MDGA2: variants seen among roughly 807,000 people sequenced by gnomAD.
The protein encoded by MDGA2 is MAM domain containing glycosylphosphatidylinositol anchor 2, also known as MAM domain-containing glycosylphosphatidylinositol anchor protein 2.
MDGA2 carries 40 observed loss-of-function variants against 117.8 expected under a neutral mutation model. The ratio of observed to expected loss-of-function variants is 0.34; its 90% CI spans 0.26 to 0.44. The LOEUF is 0.44. MDGA2 is among the 20% of genes least tolerant of loss of function. The pLI, the probability that MDGA2 is intolerant of heterozygous loss-of-function variation, is 1.00. For synonymous variants in MDGA2, 452 were observed against 439.0 expected, an observed-to-expected ratio of 1.03 and a Z score of -0.37; for missense variants, 1,123 against 1,250.6, an observed-to-expected ratio of 0.90 and a Z score of 1.54.
At chr14:47,517,063 CAAAT>C (rs1002854832) in intron 1 of MDGA2, among the ~76,000 whole-genome samples, 20 of 152,118 alleles carry the variant, frequency 1.3e-4, no homozygotes, top group African/African-American at 4.6e-4. Flanking sequence ...GTATTATTAA[CAAAT>C]AGTTTATATA....
chr14:47,427,262 A>C (rs1372647501), intron 1 of MDGA2, among the ~76,000 whole-genome samples: 1 of 152,112 alleles, frequency 6.6e-6, no homozygotes, highest in Non-Finnish European at 1.5e-5. Context: ...CCTTCCTCCC[A>C]CATCCACCTC....
chr14:47,506,092 G>A (rs558396377), intron 1 of MDGA2, among the ~76,000 whole-genome samples: 12 of 152,192 alleles, frequency 7.9e-5, no homozygotes, highest in Admixed American at 5.9e-4. Flanking sequence ...AGCTATGAGA[G>A]TTCAGTAAGT....
intron 1 of MDGA2, among the ~76,000 whole-genome samples, chr14:47,326,166 T>G (rs1474911265): frequency 3.9e-5 from 6 of 152,178 alleles, no homozygotes; most frequent in African/African-American, 1.4e-4. Flanking sequence ...AATCACACAC[T>G]GTCACATCCT....
intron 6 of MDGA2, among the ~76,000 whole-genome samples, chr14:47,078,848 A>T (rs1594597059): frequency 6.6e-6 from 1 of 152,254 alleles, no homozygotes; most frequent in Admixed American, 6.5e-5. Context: ...AGCTACTAAT[A>T]TTTGACCAGC....
intron 3 of MDGA2, among the ~76,000 whole-genome samples, chr14:47,155,511 G>T (rs1013944199): frequency 2.0e-5 from 3 of 152,114 alleles, no homozygotes; most frequent in Non-Finnish European, 2.9e-5. Flanking sequence ...CCCAGTGTCT[G>T]CAGTGAAAGC....
At chr14:47,304,705 T>C (rs1889386924) in intron 1 of MDGA2, among the ~76,000 whole-genome samples, 1 of 152,158 alleles carries the variant, frequency 6.6e-6, no homozygotes, top group African/African-American at 2.4e-5. Context: ...TGACATTTCA[T>C]AGAGTCCTAA....
chr14:47,349,349 T>C (rs902763171), intron 1 of MDGA2, among the ~76,000 whole-genome samples: 3 of 152,232 alleles, frequency 2.0e-5, no homozygotes, highest in Non-Finnish European at 4.4e-5. Flanking sequence ...CAGGTAACAG[T>C]TATGCACTTA....
intron 1 of MDGA2, among the ~76,000 whole-genome samples, chr14:47,498,755 A>T (rs956647247): frequency 3.3e-5 from 5 of 152,184 alleles, no homozygotes; most frequent in African/African-American, 1.2e-4. Context: ...AATATTAGGA[A>T]AAAATATTTC....
intron 1 of MDGA2, among the ~76,000 whole-genome samples, chr14:47,395,238 G>C (rs1447015764): frequency 2.0e-5 from 3 of 151,948 alleles, no homozygotes; most frequent in South Asian, 2.1e-4. Context: ...AAACAAATTA[G>C]AGTCCTAATT....
intron 1 of MDGA2, among the ~76,000 whole-genome samples, chr14:47,309,657 T>C (rs911079547): frequency 2.0e-5 from 3 of 152,072 alleles, no homozygotes; most frequent in African/African-American, 7.2e-5. Context: ...TGCTAAATAA[T>C]AAAAGTTGAC....
chr14:47,508,650 C>T (rs1477828866), intron 1 of MDGA2, among the ~76,000 whole-genome samples: 9 of 151,950 alleles, frequency 5.9e-5, no homozygotes, highest in African/African-American at 1.7e-4. Context: ...GAAAATAAGT[C>T]TTGTGCATAA....
At chr14:47,478,343 A>G (rs1893885170) in intron 1 of MDGA2, among the ~76,000 whole-genome samples, 1 of 151,504 alleles carries the variant, frequency 6.6e-6, no homozygotes, top group Non-Finnish European at 1.5e-5. Flanking sequence ...GTTGTATTCC[A>G]TGATATTTTT....
At chr14:46,928,641 C>G (rs1035676176) in intron 9 of MDGA2, among the ~76,000 whole-genome samples, 1 of 152,062 alleles carries the variant, frequency 6.6e-6, no homozygotes, top group Admixed American at 6.6e-5. Context: ...TTCTAAAGCC[C>G]CAGTTTCATC....
At chr14:47,013,516 C>A in intron 8 of MDGA2, among the ~76,000 whole-genome samples, 1 of 151,762 alleles carries the variant, frequency 6.6e-6, no homozygotes, top group East Asian at 2.0e-4. Flanking sequence ...CAACTTCTTC[C>A]AAACACCTAT....
intron 3 of MDGA2, among the ~76,000 whole-genome samples, chr14:47,161,928 T>A (rs1045364065): frequency 3.7e-4 from 2 of 5,354 alleles, no homozygotes; most frequent in African/African-American, 1.5e-3. Context: ...CCCCAGATCC[T>A]TTTTTTTTTT....
chr14:47,540,540 G>GTGTGTGTGTGTGTATA, intron 1 of MDGA2, among the ~76,000 whole-genome samples: 2 of 79,186 alleles, frequency 2.5e-5, no homozygotes, highest in Non-Finnish European at 5.6e-5. Flanking sequence ...GTGTGTGTGT[G>GTGTGTGTGTGTGTATA]TATATATATA....
intron 1 of MDGA2, among the ~76,000 whole-genome samples, chr14:47,351,977 G>C (rs1013973657): frequency 5.9e-5 from 9 of 151,408 alleles, no homozygotes; most frequent in African/African-American, 2.2e-4. Context: ...ATAATTCCAT[G>C]AGACTTATCA....
chr14:47,324,688 T>C (rs1276369952), intron 1 of MDGA2, among the ~76,000 whole-genome samples: 1 of 152,222 alleles, frequency 6.6e-6, no homozygotes, highest in African/African-American at 2.4e-5. Flanking sequence ...TGTTAATAGT[T>C]CAGGTTCTAG....
At chr14:47,155,943 T>C (rs1883367550) in intron 3 of MDGA2, among the ~76,000 whole-genome samples, 1 of 120,312 alleles carries the variant, frequency 8.3e-6, no homozygotes, top group Non-Finnish European at 1.6e-5. Flanking sequence ...AGACAGAGTC[T>C]CTGTCACCCA....
Sources: allele counts gnomAD v4.1 joint callset (sites outside exome capture counted in the v4.1 genomes callset), GRCh38; gene constraint gnomAD v4.1.1; transcripts MANE v1.5; gene names NCBI Gene and HGNC (gene_info 2026-07-23, HGNC 2026-07-21).